Variants in CTNNA3 observed in about 807,000 individuals in gnomAD.
The protein encoded by CTNNA3 is catenin alpha 3.
In CTNNA3, 76 loss-of-function variants were observed where a neutral mutation model predicts 95.7. That is an observed-to-expected ratio of 0.79 (90% CI 0.66 to 0.96). The LOEUF (loss-of-function observed/expected upper bound fraction) is 0.96. Among genes scored for constraint, CTNNA3 ranks in the 40% least tolerant of loss-of-function variants. The pLI is 0.00. For missense variants in CTNNA3, 1,191 were observed against 1,089.8 expected, an observed-to-expected ratio of 1.09 and a Z score of -1.31; for synonymous variants, 431 against 374.4, an observed-to-expected ratio of 1.15 and a Z score of -1.74.
At chr10:67,460,860 A>G (rs1206587335) in intron 5 of CTNNA3, among the ~76,000 whole-genome samples, 2 of 152,184 alleles carry the variant, frequency 1.3e-5, no homozygotes, top group African/African-American at 2.4e-5. Context: ...TCTCTGATAA[A>G]AGACAATCTA....
At chr10:66,367,862 AATAATAATAATAATAATAATT>A (rs1409793780) in intron 12 of CTNNA3, among the ~76,000 whole-genome samples, 44 of 41,548 alleles carry the variant, frequency 1.1e-3, no homozygotes, top group East Asian at 2.6e-3. Context: ...TAATAATAAT[AATAATAATAATAATAATAATT>A]ATTATTATTA....
intron 14 of CTNNA3, among the ~76,000 whole-genome samples, chr10:66,096,067 A>G (rs1343328288): frequency 1.3e-5 from 2 of 152,192 alleles, no homozygotes; most frequent in East Asian, 3.9e-4. Flanking sequence ...TGAAATGACT[A>G]TCGTTGAAAT....
intron 13 of CTNNA3, among the ~76,000 whole-genome samples, chr10:66,151,587 T>C (rs916697514): frequency 2.0e-5 from 3 of 151,930 alleles, no homozygotes; most frequent in Non-Finnish European, 2.9e-5. Context: ...TACAAATCTT[T>C]GGATTTCTAG....
intron 4 of CTNNA3, among the ~76,000 whole-genome samples, chr10:67,524,571 G>A (rs1840086419): frequency 6.6e-6 from 1 of 152,082 alleles, no homozygotes; most frequent in Non-Finnish European, 1.5e-5. Flanking sequence ...ATTTCAGCTT[G>A]AACTTTTGTT....
At chr10:66,640,852 T>C (rs1043490132) in intron 9 of CTNNA3, among the ~76,000 whole-genome samples, 15 of 152,188 alleles carry the variant, frequency 9.9e-5, no homozygotes, top group Admixed American at 3.9e-4. Flanking sequence ...GACATAATCT[T>C]AAAACTATAA....
chr10:66,754,167 T>C (rs973730617), intron 9 of CTNNA3, among the ~76,000 whole-genome samples: 5 of 152,210 alleles, frequency 3.3e-5, no homozygotes, highest in Admixed American at 3.3e-4. Flanking sequence ...AGAGTGGTAC[T>C]GGCATAAAGG....
intron 5 of CTNNA3, among the ~76,000 whole-genome samples, chr10:67,341,990 C>CT (rs778187436): frequency 7.8e-4 from 90 of 115,966 alleles, no homozygotes; most frequent in Admixed American, 3.1e-3. Context: ...ATTTATGTGT[C>CT]TTTTTTTTGC....
At chr10:67,017,725 CTGTG>C (rs10586644) in intron 7 of CTNNA3, among the ~76,000 whole-genome samples, 17,557 of 147,896 alleles carry the variant, frequency 0.12, 1,196 homozygotes, top group South Asian at 0.28. Flanking sequence ...CAAAAATCAT[CTGTG>C]TGTGTGTGTG....
At chr10:67,028,988 C>A (rs766891390) in intron 7 of CTNNA3, among the ~76,000 whole-genome samples, 1 of 152,154 alleles carries the variant, frequency 6.6e-6, no homozygotes, top group East Asian at 1.9e-4. Context: ...GCAATCATAT[C>A]GCAACTCCCC....
intron 11 of CTNNA3, among the ~76,000 whole-genome samples, chr10:66,489,601 T>TGC (rs1484932520): frequency 6.6e-6 from 1 of 152,046 alleles, no homozygotes; most frequent in Non-Finnish European, 1.5e-5. Flanking sequence ...CACACACACG[T>TGC]GCACACACAC....
intron 7 of CTNNA3, among the ~76,000 whole-genome samples, chr10:67,162,945 G>T (rs1861612214): frequency 6.6e-6 from 1 of 151,836 alleles, no homozygotes; most frequent in African/African-American, 2.4e-5. Flanking sequence ...ATATGCAACA[G>T]ATAATTTAAA....
chr10:66,425,672 A>G (rs900678032), intron 11 of CTNNA3, among the ~76,000 whole-genome samples: 1 of 137,164 alleles, frequency 7.3e-6, no homozygotes, highest in African/African-American at 2.9e-5. Flanking sequence ...TTCTTCATAT[A>G]AAGATATATA....
At chr10:66,719,866 A>G (rs1343044403) in intron 9 of CTNNA3, among the ~76,000 whole-genome samples, 1 of 152,090 alleles carries the variant, frequency 6.6e-6, no homozygotes, top group African/African-American at 2.4e-5. Flanking sequence ...ATTTGATATT[A>G]ATCTAGATGC....
chr10:66,379,365 G>T lies in CTNNA3; in HGVS notation c.1532-13C>A. ...AAGATATGGCTTTCTGTAAGTAAAT[G>T]AATCAAATTAGTTTTTGCGTGTGTC... On this transcript the variant is annotated splice_polypyrimidine_tract_variant and intron_variant, in intron 11 of 17. Coordinates refer to ENST00000433211, the MANE Select transcript of CTNNA3 (RefSeq NM_013266.4). 2 of 1,607,704 alleles carry T rather than the reference G, an allele frequency of 1.2e-6. No homozygotes were observed. Among genetic ancestry groups the T allele is most frequent in the Non-Finnish European group, 8.5e-7 (1 of 1,174,318 alleles).
intron 13 of CTNNA3, among the ~76,000 whole-genome samples, chr10:66,144,619 C>G (rs1476848995): frequency 6.6e-6 from 1 of 152,080 alleles, no homozygotes; most frequent in Non-Finnish European, 1.5e-5. Flanking sequence ...TCCTGAGTAG[C>G]TGAGATTACA....
At chr10:66,515,265 A>ATATCTATCTATCTATC (rs10606169) in intron 11 of CTNNA3, among the ~76,000 whole-genome samples, 7,462 of 145,930 alleles carry the variant, frequency 0.051, 260 homozygotes, top group African/African-American at 0.094. Flanking sequence ...CTTATTCCCT[A>ATATCTATCTATCTATC]TATCTATCTA....
At chr10:66,973,607 T>G (rs1849850352) in intron 7 of CTNNA3, among the ~76,000 whole-genome samples, 1 of 152,208 alleles carries the variant, frequency 6.6e-6, no homozygotes, top group African/African-American at 2.4e-5. Flanking sequence ...CACTCTCAAA[T>G]AATTTTGTTA....
chr10:66,761,646 C>T (rs939275162), intron 9 of CTNNA3, among the ~76,000 whole-genome samples: 1 of 151,964 alleles, frequency 6.6e-6, no homozygotes, highest in Non-Finnish European at 1.5e-5. Flanking sequence ...ATCATAATAG[C>T]CTTTTTAATA....
intron 15 of CTNNA3, among the ~76,000 whole-genome samples, chr10:66,002,681 A>C (rs2078794066): frequency 6.6e-6 from 1 of 152,158 alleles, no homozygotes; most frequent in Non-Finnish European, 1.5e-5. Flanking sequence ...AAGGCTCCAG[A>C]ACCCTCTGCA....
Sources: gnomAD v4.1 joint callset for allele counts (sites outside exome capture counted in the v4.1 genomes callset) on GRCh38, gnomAD v4.1.1 for gene constraint, MANE v1.5 for transcripts, NCBI Gene and HGNC (gene_info 2026-07-23, HGNC 2026-07-21) for gene names.